GALNT17: variants seen among roughly 807,000 people sequenced by gnomAD.
GALNT17 encodes polypeptide N-acetylgalactosaminyltransferase 17.
GALNT17 carries 29 observed loss-of-function variants against 63.7 expected under a neutral mutation model. That is an observed-to-expected ratio of 0.46 (90% CI 0.34 to 0.62). The LOEUF (loss-of-function observed/expected upper bound fraction) is 0.62, where lower values mean the gene tolerates loss of function less well. GALNT17 is among the 20% of genes least tolerant of loss of function. The probability of loss-of-function intolerance (pLI) is 0.01; values close to 1 mark genes in which losing one functional copy is unlikely to be tolerated. For synonymous variants in GALNT17, 305 were observed against 318.3 expected (o/e 0.96, Z 0.45); for missense variants, 603 against 799.6 (o/e 0.75, Z 2.97).
chr7:71,416,753 T>C (rs1583933664), intron 4 of GALNT17, among the ~76,000 whole-genome samples: 3 of 152,210 alleles, frequency 2.0e-5, no homozygotes, highest in African/African-American at 7.2e-5. Context: ...TGGTTGTCTG[T>C]CATTGTGAGA....
At chr7:71,710,621 A>T (rs1791778801) in intron 9 of GALNT17, 140 bp from the exon 10 acceptor site, 3 of 962,242 alleles carry the variant, frequency 3.1e-6, no homozygotes, top group Non-Finnish European at 3.1e-6. Flanking sequence ...ATATGGCCTG[A>T]GTGACAGGCT....
chr7:71,238,337 T>G (rs995352811), intron 1 of GALNT17, among the ~76,000 whole-genome samples: 1 of 152,146 alleles, frequency 6.6e-6, no homozygotes, highest in Non-Finnish European at 1.5e-5. Flanking sequence ...GCCTTTCACA[T>G]TTGCATCTAG....
chr7:71,221,258 G>A (rs1355437763), intron 1 of GALNT17, among the ~76,000 whole-genome samples: 1 of 152,116 alleles, frequency 6.6e-6, no homozygotes, highest in African/African-American at 2.4e-5. Context: ...ACAAAAGACA[G>A]GATCTCCTTT....
intron 1 of GALNT17, among the ~76,000 whole-genome samples, chr7:71,206,481 A>G (rs1045180500): frequency 2.6e-5 from 4 of 152,142 alleles, no homozygotes; most frequent in African/African-American, 7.2e-5. Flanking sequence ...TTTGTAAATA[A>G]GTCACATGCT....
intron 6 of GALNT17, among the ~76,000 whole-genome samples, chr7:71,664,963 T>C (rs1419516565): frequency 2.0e-5 from 3 of 151,846 alleles, no homozygotes; most frequent in Non-Finnish European, 2.9e-5. Flanking sequence ...TGAACTCTCA[T>C]TGGCATTATT....
intron 5 of GALNT17, among the ~76,000 whole-genome samples, chr7:71,495,847 G>T (rs1246993370): frequency 6.6e-6 from 1 of 152,160 alleles, no homozygotes; most frequent in African/African-American, 2.4e-5. Context: ...AGGAGTATCT[G>T]ATTTTGGTCT....
intron 6 of GALNT17, among the ~76,000 whole-genome samples, chr7:71,631,645 A>T (rs2116989753): frequency 6.6e-6 from 1 of 152,270 alleles, no homozygotes; most frequent in South Asian, 2.1e-4. Flanking sequence ...CCGGAGTGGC[A>T]TCAGCAAAGG....
In GALNT17 at chr7:71,279,031, T is replaced by C. The variant is rs375572894; in HGVS notation, c.239-56519T>C. The stretch of plus-strand genomic sequence containing the variant: ...ACCTCCACCTCCCGAGTTCAAGCGA[T>C]TCTCCTGCCTCAGCCCCCCGAGTAG... On this transcript the variant is annotated intron_variant, in intron 1 of 10. Transcript: ENST00000333538. Among the ~76,000 whole-genome samples, 17 of 152,070 alleles carry C rather than the reference T, an allele frequency of 1.1e-4. 1 individual carries two copies. The East Asian group carries it at 2.3e-3, about 21-fold the overall frequency.
At chr7:71,279,197 C>T (rs904990898) in intron 1 of GALNT17, among the ~76,000 whole-genome samples, 1 of 151,822 alleles carries the variant, frequency 6.6e-6, no homozygotes, top group African/African-American at 2.4e-5. Flanking sequence ...CTCTGTGTAT[C>T]TCTGTATATT....
chr7:71,223,187 A>AT lies in GALNT17; in HGVS notation c.238+90155dup, dbSNP rs199624307. Among the ~76,000 whole-genome samples, 909 of 152,082 alleles carry AT rather than the reference A, an allele frequency of 6.0e-3. 10 individuals carry two copies. Among genetic ancestry groups the AT allele is most frequent in the African/African-American group, 0.021 (870 of 41,514 alleles). ...TACTCGGAGGCTATGCAAATATCTA[A>AT]TTTTTTTTCTCTTAAACTTTTGCCA... On this transcript the variant is annotated intron_variant, in intron 1 of 10. Transcript: ENST00000333538.
chr7:71,442,191 G>GT (rs199881852), intron 5 of GALNT17, among the ~76,000 whole-genome samples: 2,046 of 151,262 alleles, frequency 0.014, 39 homozygotes, highest in African/African-American at 0.046. Flanking sequence ...CTGCAGAAGT[G>GT]TTTTTTTTGT....
At chr7:71,643,511 A>G (rs963005290) in intron 6 of GALNT17, among the ~76,000 whole-genome samples, 1 of 152,178 alleles carries the variant, frequency 6.6e-6, no homozygotes, top group Non-Finnish European at 1.5e-5. Flanking sequence ...GCATTTTTAC[A>G]AAAGGGAAAA....
chr7:71,330,637 A>G (rs977315129), intron 1 of GALNT17, among the ~76,000 whole-genome samples: 21 of 151,590 alleles, frequency 1.4e-4, no homozygotes, highest in African/African-American at 4.9e-4. Context: ...CCTGGGCTCA[A>G]GCAGTTCCTC....
Position 71,325,745 on chromosome 7 carries a change from G to A in GALNT17, c.239-9805G>A, listed in dbSNP as rs538415682. Among the ~76,000 whole-genome samples, 3 of 152,240 alleles carry A rather than the reference G, an allele frequency of 2.0e-5. No individual in the cohort carries two copies. The South Asian group carries it at 6.2e-4, about 32-fold the overall frequency. ...CTTGCTGAGCGGTGATCAACCGTGT[G>A]GCCCTCAGAGGATTTCTGGGTTCTG... On this transcript the variant is annotated intron_variant, in intron 1 of 10. Transcript: ENST00000333538.
chr7:71,339,663 C>G (rs957666075), intron 2 of GALNT17, among the ~76,000 whole-genome samples: 9 of 151,510 alleles, frequency 5.9e-5, no homozygotes, highest in Non-Finnish European at 1.2e-4. Context: ...GCACTCCAGC[C>G]TGGGTGACAG....
chr7:71,469,575 C>T (rs891946882), intron 5 of GALNT17, among the ~76,000 whole-genome samples: 5 of 152,168 alleles, frequency 3.3e-5, no homozygotes, highest in Non-Finnish European at 5.9e-5. Flanking sequence ...TGGGTACAAA[C>T]GAAGATTGCT....
chr7:71,676,826 T>C (rs1278454093), intron 8 of GALNT17, among the ~76,000 whole-genome samples: 1 of 152,176 alleles, frequency 6.6e-6, no homozygotes, highest in Non-Finnish European at 1.5e-5. Flanking sequence ...ACAAGCCACT[T>C]AGAAGACTTA....
intron 6 of GALNT17, among the ~76,000 whole-genome samples, chr7:71,628,950 TA>T (rs1006548422): frequency 6.6e-6 from 1 of 151,838 alleles, no homozygotes; most frequent in Non-Finnish European, 1.5e-5. Context: ...AATTAAAATT[TA>T]AAAAAAAGCT....
chr7:71,602,181 ATCAAAATGCGTAGAGTATT>A (rs1299974344), intron 6 of GALNT17, among the ~76,000 whole-genome samples: 1 of 152,270 alleles, frequency 6.6e-6, no homozygotes, highest in Non-Finnish European at 1.5e-5. Flanking sequence ...ATTTTAAAAA[ATCAAAATGCGTAGAGTATT>A]TCTCACCCAA....
Sources: gnomAD v4.1 joint callset for allele counts (sites outside exome capture counted in the v4.1 genomes callset) on GRCh38, gnomAD v4.1.1 for gene constraint, MANE v1.5 for transcripts, NCBI Gene and HGNC (gene_info 2026-07-23, HGNC 2026-07-21) for gene names.